The following STXBP4 variants were observed in gnomAD, a reference collection of about 807,000 sequenced individuals.
The protein encoded by STXBP4 is syntaxin-binding protein 4.
In STXBP4, 55 loss-of-function variants were observed where a neutral mutation model predicts 76.1. The observed-to-expected ratio is 0.72, with a 90% CI of 0.58 to 0.91. The LOEUF is 0.91. STXBP4 is among the 40% of genes least tolerant of loss of function. The pLI is 0.00. For missense variants in STXBP4, 618 were observed against 636.9 expected (o/e 0.97, Z 0.32); for synonymous variants, 201 against 220.2 (o/e 0.91, Z 0.77).
intron 16 of STXBP4, among the ~76,000 whole-genome samples, chr17:55,101,635 T>C (rs1029793342): frequency 6.6e-6 from 1 of 152,218 alleles, no homozygotes; most frequent in Non-Finnish European, 1.5e-5. Flanking sequence ...CACCCTTTGC[T>C]GTAGCACATT....
chr17:55,072,226 T>G (rs1270432847), intron 12 of STXBP4, among the ~76,000 whole-genome samples: 1 of 152,192 alleles, frequency 6.6e-6, no homozygotes, highest in East Asian at 1.9e-4. Flanking sequence ...GTCTGTTTGC[T>G]TATGTATGAA....
chr17:54,992,025 G>A (rs534195198), intron 4 of STXBP4, among the ~76,000 whole-genome samples: 3 of 151,904 alleles, frequency 2.0e-5, no homozygotes, highest in Non-Finnish European at 4.4e-5. Flanking sequence ...GAAAAATTCC[G>A]TTTTACCAAT....
At position 55,001,226 on chromosome 17, in the gene STXBP4, A is replaced by G. The variant is rs562752674; in HGVS notation, c.574+343A>G. On this transcript the variant is annotated intron_variant, in intron 7 of 17. Transcript: ENST00000376352. The stretch of plus-strand genomic sequence containing the variant: ...TTTTAGTGCAATACTGATGAGGCAT[A>G]TTAAATACACCTTTCGGAAAACACA... Among the ~76,000 whole-genome samples the G allele has an allele frequency of 5.3e-5, 8 of 152,356 alleles. No individual in the cohort carries two copies. In the South Asian group the frequency reaches 1.7e-3, roughly 32 times the overall value.
Position 54,978,304 on chromosome 17 carries a change from A to T in STXBP4, c.-156-7310A>T, listed in dbSNP as rs145086249. Among the ~76,000 whole-genome samples the T allele has an allele frequency of 1.7e-3, 253 of 152,228 alleles. 1 individual carries two copies. The highest frequency in any genetic ancestry group is 5.9e-3 in the African/African-American group (244 of 41,532). On this transcript the variant is annotated intron_variant, in intron 1 of 17. Transcript: ENST00000376352. The stretch of plus-strand genomic sequence containing the variant: ...TGTCTAGTGGGCATCTACCCTCTGG[A>T]CTGGTACTCTTCCCAATGCAATAAA...
chr17:55,128,653 T>C (rs1208457361), intron 16 of STXBP4, among the ~76,000 whole-genome samples: 1 of 152,250 alleles, frequency 6.6e-6, no homozygotes, highest in East Asian at 1.9e-4. Context: ...TCTCGCTCTG[T>C]CGCCCAGGCT....
At chr17:55,142,781 G>A (rs2080109056) in intron 17 of STXBP4, among the ~76,000 whole-genome samples, 1 of 152,206 alleles carries the variant, frequency 6.6e-6, no homozygotes. Flanking sequence ...CTAGCATGAA[G>A]TGATTAATCA....
chr17:55,144,738 T>G (rs186340275), intron 17 of STXBP4, among the ~76,000 whole-genome samples: 1 of 152,274 alleles, frequency 6.6e-6, no homozygotes, highest in Admixed American at 6.5e-5. Context: ...CTGTTGCAGG[T>G]GGATTTGATT....
In STXBP4 at chr17:54,995,340, ATTTC is replaced by A. The variant is rs2077783053; in HGVS notation, c.181-3997_181-3994del. ...TTAAAGTTCTCAAATGTTCATTTTT[ATTTC>A]TTTCTTTTGTTGCTGGTAACATAGG... On this transcript the variant is annotated intron_variant, in intron 4 of 17. Transcript: ENST00000376352. Among the ~76,000 whole-genome samples the A allele has an allele frequency of 5.9e-5, 9 of 152,262 alleles. No individual in the cohort carries two copies. The South Asian group carries it at 1.7e-3, about 28-fold the overall frequency.
Position 55,084,768 on chromosome 17 carries a change from G to T in STXBP4, c.1489+3585G>T, listed in dbSNP as rs924934894. ...TTTCCCCATTTCTTGTTTTTGTCAG[G>T]TTTGTCAAAGATCAGATAGTTGTAG... On this transcript the variant is annotated intron_variant, in intron 16 of 17. Coordinates refer to ENST00000376352, the MANE Select transcript of STXBP4 (RefSeq NM_178509.6). Among the ~76,000 whole-genome samples the T allele has an allele frequency of 9.1e-4, 138 of 152,036 alleles. 2 individuals are homozygous for T. The highest frequency in any genetic ancestry group is 1.0e-4 in the Non-Finnish European group (7 of 68,018).
intron 8 of STXBP4, among the ~76,000 whole-genome samples, chr17:55,014,469 G>T (rs1348798567): frequency 4.6e-5 from 7 of 152,066 alleles, no homozygotes; most frequent in Non-Finnish European, 1.0e-4. Flanking sequence ...TCTAGTGACT[G>T]GCTGTCCTAG....
chr17:54,982,192 C>A (rs1360097173), intron 1 of STXBP4, among the ~76,000 whole-genome samples: 1 of 152,022 alleles, frequency 6.6e-6, no homozygotes, highest in African/African-American at 2.4e-5. Flanking sequence ...CTTTTATTTT[C>A]TCTATTTTTT....
At chr17:55,050,513 A>AT (rs1291758271) in intron 12 of STXBP4, among the ~76,000 whole-genome samples, 2 of 152,176 alleles carry the variant, frequency 1.3e-5, no homozygotes, top group South Asian at 2.1e-4. Context: ...CCCCCAATAA[A>AT]AAATAACTCC....
chr17:55,190,853 A>C, the STXBP4 span, among the ~76,000 whole-genome samples: 1 of 152,180 alleles, frequency 6.6e-6, no homozygotes, highest in Non-Finnish European at 1.5e-5. Context: ...AAAGAAATTA[A>C]CGTGTTCAAA....
At chr17:55,088,555 C>T (rs1292492670) in intron 16 of STXBP4, among the ~76,000 whole-genome samples, 3 of 152,110 alleles carry the variant, frequency 2.0e-5, no homozygotes, top group African/African-American at 7.2e-5. Context: ...TGCCACCACA[C>T]CTGGCTAATT....
At chr17:55,039,633 G>A (rs992457175) in intron 10 of STXBP4, among the ~76,000 whole-genome samples, 1 of 151,750 alleles carries the variant, frequency 6.6e-6, no homozygotes, top group Non-Finnish European at 1.5e-5. Context: ...AGAAAGGAAA[G>A]AAGTTATAGA....
intron 4 of STXBP4, among the ~76,000 whole-genome samples, chr17:54,997,711 T>C (rs373293451): frequency 6.7e-6 from 1 of 149,316 alleles, no homozygotes; most frequent in East Asian, 1.9e-4. Flanking sequence ...CCTCCCACTT[T>C]AGCCTCCTGA....
chr17:54,991,712 T>C (rs904048360), intron 4 of STXBP4: 1 of 150,742 alleles, frequency 6.6e-6, no homozygotes, highest in Non-Finnish European at 1.5e-5. Flanking sequence ...AAAATTATAT[T>C]AATAATTAAG....
intron 16 of STXBP4, among the ~76,000 whole-genome samples, chr17:55,131,204 C>T (rs546386931): frequency 3.7e-4 from 57 of 152,298 alleles, no homozygotes; most frequent in African/African-American, 1.3e-3. Context: ...TGATAATAGC[C>T]ATTCTAACAG....
At chr17:55,116,590 A>C (rs1204358922) in intron 16 of STXBP4, among the ~76,000 whole-genome samples, 1 of 151,848 alleles carries the variant, frequency 6.6e-6, no homozygotes, top group African/African-American at 2.4e-5. Flanking sequence ...CACACACTGA[A>C]TGTAAACTTC....
Sources: allele counts gnomAD v4.1 joint callset (sites outside exome capture counted in the v4.1 genomes callset), GRCh38; gene constraint gnomAD v4.1.1; transcripts MANE v1.5; gene names NCBI Gene and HGNC (gene_info 2026-07-23, HGNC 2026-07-21).